LAMA2: variants seen among roughly 807,000 people sequenced by gnomAD.
The protein encoded by LAMA2 is laminin subunit alpha 2.
A neutral mutation model predicts 364.8 loss-of-function variants in LAMA2; 269 were observed. That is an observed-to-expected ratio of 0.74 (90% confidence interval 0.67 to 0.82). The LOEUF (loss-of-function observed/expected upper bound fraction) is 0.82, where lower values mean the gene tolerates loss of function less well. Ranked by LOEUF, LAMA2 falls within the 40% of genes least tolerant of loss-of-function variation. The probability of loss-of-function intolerance (pLI) is 0.00; values close to 1 mark genes in which losing one functional copy is unlikely to be tolerated. For synonymous variants in LAMA2, 1,379 were observed against 1,370.6 expected (o/e 1.01, Z -0.14); for missense variants, 3,807 against 3,873.2 (o/e 0.98, Z 0.45).
chr6:129,334,965 G>A (rs1775864922), intron 29 of LAMA2, among the ~76,000 whole-genome samples: 3 of 152,140 alleles, frequency 2.0e-5, no homozygotes, highest in Admixed American at 2.0e-4. Flanking sequence ...TCAGGCCATA[G>A]CAAGCCTTAA....
At chr6:129,005,927 A>G (rs1393280672) in intron 1 of LAMA2, among the ~76,000 whole-genome samples, 1 of 151,732 alleles carries the variant, frequency 6.6e-6, no homozygotes, top group Non-Finnish European at 1.5e-5. Flanking sequence ...TTGGGTAATT[A>G]ATATTTTGAA....
In LAMA2 at chr6:129,383,116, C is replaced by T; in HGVS notation, c.4960-6C>T. 2 of 1,611,584 alleles carry T rather than the reference C, an allele frequency of 1.2e-6. No individual in the cohort carries two copies. The highest frequency in any genetic ancestry group is 1.7e-6 in the Non-Finnish European group (2 of 1,178,092). Reference sequence around the variant, plus strand: ...AATTATGTGTTTCCCGAATTTGGATCATTAGGCTACCAAAGTGACAGCAGA... The same window carrying T: ...AATTATGTGTTTCCCGAATTTGGATTATTAGGCTACCAAAGTGACAGCAGA... On this transcript the variant is annotated splice_region_variant and splice_polypyrimidine_tract_variant and intron_variant, in intron 34 of 64. Transcript: ENST00000421865.
chr6:129,189,261 A>T (rs1218109542), intron 10 of LAMA2, among the ~76,000 whole-genome samples: 2 of 152,030 alleles, frequency 1.3e-5, no homozygotes. Flanking sequence ...CTCAGTATTG[A>T]TAATAAGGGA....
At chr6:129,042,150 C>T (rs139380888) in intron 1 of LAMA2, among the ~76,000 whole-genome samples, 1,881 of 151,654 alleles carry the variant, frequency 0.012, 29 homozygotes, top group Non-Finnish European at 0.02. Context: ...ACTAAAAATA[C>T]AAAAATTAGC....
At chr6:129,360,187 G>C (rs1483756487) in intron 32 of LAMA2, among the ~76,000 whole-genome samples, 1 of 152,120 alleles carries the variant, frequency 6.6e-6, no homozygotes, top group East Asian at 1.9e-4. Context: ...TTGTAAGATA[G>C]GTGTTCATTT....
At chr6:129,010,652 T>C (rs1369698795) in intron 1 of LAMA2, among the ~76,000 whole-genome samples, 1 of 152,260 alleles carries the variant, frequency 6.6e-6, no homozygotes, top group Non-Finnish European at 1.5e-5. Flanking sequence ...GGAGAAGCAC[T>C]GAAGAATTAA....
At chr6:129,304,332 T>C (rs901873708) in intron 22 of LAMA2, among the ~76,000 whole-genome samples, 4 of 152,176 alleles carry the variant, frequency 2.6e-5, no homozygotes, top group Non-Finnish European at 5.9e-5. Flanking sequence ...TGGCAGATCT[T>C]GGCTCACTGC....
chr6:129,303,805 T>A lies in LAMA2; in HGVS notation c.3174+2933T>A, dbSNP rs190894784. On this transcript the variant is annotated intron_variant, in intron 22 of 64. Transcript: ENST00000421865. ...ATCCTTTTAAAATTATGTTGAATCC[T>A]GTTTGCTAGCATTTTCTTAATGATT... is the stretch of plus-strand genomic sequence containing the variant. 2.0e-5 allele frequency among the ~76,000 whole-genome samples: 3 copies of A among 152,308 alleles called. No homozygotes were observed. The East Asian group carries it at 5.8e-4, about 29-fold the overall frequency.
chr6:129,286,093 C>T (rs544035539), intron 18 of LAMA2, among the ~76,000 whole-genome samples: 4 of 152,130 alleles, frequency 2.6e-5, no homozygotes, highest in African/African-American at 7.2e-5. Flanking sequence ...TGGATTTAAA[C>T]CATTTTTATT....
In LAMA2 at chr6:129,288,045, G is replaced by A. The variant is rs142671449; in HGVS notation, c.2736G>A (p.Ala912=). Reference sequence around the variant, plus strand: ...GATATTTTGGAGATGCAGTTGATGCGAAGAACTGTCAGCGTAAGTCCTGAA... The same window carrying A: ...GATATTTTGGAGATGCAGTTGATGCAAAGAACTGTCAGCGTAAGTCCTGAA... ...ADGYFGDAVD[A]KNCQPCRCNA... is the part of the protein sequence containing the mutation. Residue 912 remains alanine, a synonymous_variant, in exon 19 of 65, where the codon GCG becomes GCA. Coordinates refer to ENST00000421865, the MANE Select transcript of LAMA2 (RefSeq NM_000426.4). 7.0e-5 allele frequency: 113 copies of A among 1,613,832 alleles called. No homozygotes were observed. In the Middle Eastern group the frequency reaches 3.0e-3, roughly 42 times the overall value.
chr6:128,917,706 T>TTTCTTTCTTTC (rs1554322938), intron 1 of LAMA2, among the ~76,000 whole-genome samples: 140 of 98,374 alleles, frequency 1.4e-3, no homozygotes, highest in African/African-American at 5.3e-3. Context: ...TTTCTTTTTT[T>TTTCTTTCTTTC]TTTCTTTCTT....
intron 9 of LAMA2, 80 bp from the exon 10 acceptor site, chr6:129,177,626 A>G: frequency 7.2e-7 from 1 of 1,394,470 alleles, no homozygotes; most frequent in African/African-American, 1.4e-5. Flanking sequence ...AGCATTTTAA[A>G]GGTTACTGTC....
At chr6:128,929,520 T>C (rs1448262666) in intron 1 of LAMA2, 3 of 878,792 alleles carry the variant, frequency 3.4e-6, no homozygotes, top group Non-Finnish European at 5.9e-6. Flanking sequence ...ATTCTGCTTG[T>C]ACCTGTAGAG....
chr6:129,027,674 T>G (rs1785923665), intron 1 of LAMA2, among the ~76,000 whole-genome samples: 1 of 151,882 alleles, frequency 6.6e-6, no homozygotes, highest in South Asian at 2.1e-4. Flanking sequence ...AGGATAGATT[T>G]TGAGCTAATC....
At chr6:128,897,065 T>C (rs1582623302) in intron 1 of LAMA2, among the ~76,000 whole-genome samples, 2 of 152,298 alleles carry the variant, frequency 1.3e-5, no homozygotes, top group South Asian at 4.1e-4. Context: ...TTTCCAAAAG[T>C]AAAACAACCA....
At chr6:129,179,230 T>A (rs1021101643) in intron 10 of LAMA2, among the ~76,000 whole-genome samples, 7 of 152,110 alleles carry the variant, frequency 4.6e-5, no homozygotes, top group Non-Finnish European at 1.0e-4. Flanking sequence ...GTCTTGTGTG[T>A]GCTTTATTCT....
intron 29 of LAMA2, among the ~76,000 whole-genome samples, chr6:129,335,359 GATA>G (rs1234086806): frequency 3.0e-5 from 3 of 99,060 alleles, no homozygotes; most frequent in African/African-American, 5.8e-5. Flanking sequence ...TAAGTAGGTA[GATA>G]GATAGATAGA....
chr6:129,297,773 G>A lies in LAMA2; in HGVS notation c.2945G>A (p.Ser982Asn), dbSNP rs755096239. 3.1e-6 allele frequency: 5 copies of A among 1,614,150 alleles called. No individual in the cohort carries two copies. The Admixed American group carries it at 8.3e-5, about 27-fold the overall frequency. The change falls in exon 21 of 65, where the codon AGT becomes AAT. Residue 982 changes from serine (S) to asparagine (N), a missense_variant. Physicochemically the swap from Ser to Asn is conservative, Grantham distance 46 (BLOSUM62 1). This residue lies in a region of LAMA2 where 3,333 missense variants were observed against 3,345.7 expected (regional missense o/e 1.00). Coordinates refer to ENST00000421865, the MANE Select transcript of LAMA2 (RefSeq NM_000426.4). ...FGSKSFDCEE[S>N]GQCWCQPGVT... ...TCTAAGTCATTCGACTGTGAAGAGAGTGGACAATGTTGGTGCCAACCTGGA... is the reference window on the plus strand; with the variant it reads ...TCTAAGTCATTCGACTGTGAAGAGAATGGACAATGTTGGTGCCAACCTGGA...
intron 1 of LAMA2, among the ~76,000 whole-genome samples, chr6:128,912,482 A>G (rs1410752935): frequency 6.6e-6 from 1 of 152,216 alleles, no homozygotes. Flanking sequence ...CAGAGTAAGT[A>G]TATTTTGTTT....
Sources: gnomAD v4.1 joint callset for allele counts (sites outside exome capture counted in the v4.1 genomes callset) on GRCh38, gnomAD v4.1.1 for gene constraint, gnomAD v4.1.1 regional missense constraint, MANE v1.5 for transcripts, NCBI Gene and HGNC (gene_info 2026-07-23, HGNC 2026-07-21) for gene names.